The following ATF7IP variants were observed in gnomAD, a reference collection of about 807,000 sequenced individuals.
ATF7IP encodes activating transcription factor 7-interacting protein 1.
In ATF7IP, 23 loss-of-function variants were observed where a neutral mutation model predicts 106.4. The observed-to-expected ratio is 0.22, with a 90% CI of 0.16 to 0.31. The LOEUF is 0.31. ATF7IP is among the 10% of genes least tolerant of loss of function. The pLI is 1.00. For missense variants in ATF7IP, 1,334 were observed against 1,524.3 expected, an observed-to-expected ratio of 0.88 and a Z score of 2.08; for synonymous variants, 542 against 539.0, an observed-to-expected ratio of 1.01 and a Z score of -0.08.
At chr12:14,383,050 C>T (rs900525221) in intron 1 of ATF7IP, among the ~76,000 whole-genome samples, 1 of 152,198 alleles carries the variant, frequency 6.6e-6, no homozygotes, top group Non-Finnish European at 1.5e-5. Flanking sequence ...CTTTTCTAAA[C>T]TGTTTCATCA....
chr12:14,455,091 T>C (rs1943372796), intron 6 of ATF7IP, among the ~76,000 whole-genome samples: 1 of 151,218 alleles, frequency 6.6e-6, no homozygotes, highest in African/African-American at 2.4e-5. Flanking sequence ...GGCAGGAGAA[T>C]CGCTTGAGCC....
intron 12 of ATF7IP, 33 bp from the exon 13 acceptor site, chr12:14,480,969 TG>T: frequency 6.3e-7 from 1 of 1,595,426 alleles, no homozygotes; most frequent in East Asian, 2.2e-5. Flanking sequence ...TAGAATTTAC[TG>T]TATTCTTAAT....
rs1027833932 is a variant in ATF7IP, at chr12:14,501,490, T to TACGAAG, written c.*3421_*3426dup. ...CTTGCCAAGAAATTTATAAATCACA[T>TACGAAG]ACGAAGACGTCTGTTGCTAACAGTT... On this transcript the variant is annotated 3_prime_UTR_variant, in exon 15 of 15. Transcript: ENST00000261168. The TACGAAG allele has an allele frequency of 5.3e-4, 80 of 152,330 alleles. No individual in the cohort carries two copies. Among genetic ancestry groups the TACGAAG allele is most frequent in the African/African-American group, 1.7e-3 (71 of 41,590 alleles). 9.4% of individuals were successfully genotyped at this position (152,330 alleles called of 1,614,324 possible).
intron 2 of ATF7IP, among the ~76,000 whole-genome samples, chr12:14,427,755 T>C (rs4307768): frequency 0.1 from 15,895 of 152,092 alleles, 1,039 homozygotes; most frequent in African/African-American, 0.19. Context: ...ACCCCATAAT[T>C]AGTCCATCAG....
intron 10 of ATF7IP, among the ~76,000 whole-genome samples, chr12:14,473,278 C>G (rs1308885873): frequency 2.2e-4 from 3 of 13,534 alleles, no homozygotes; most frequent in South Asian, 1.9e-3. Flanking sequence ...TTAGCGCGCT[C>G]TCTCTCTCTC....
rs368133970 is a variant in ATF7IP, at chr12:14,459,521, A to G, written c.2159-974A>G. The stretch of plus-strand genomic sequence containing the variant: ...CCCATTATACTACCTTGATTTTTGT[A>G]CTAAAGCATCAGAAGTTTTACTTAG... On this transcript the variant is annotated intron_variant, in intron 8 of 14. Transcript: ENST00000261168. 5.3e-5 allele frequency among the ~76,000 whole-genome samples: 8 copies of G among 152,298 alleles called. No homozygotes were observed. The East Asian group carries it at 9.6e-4, about 18-fold the overall frequency.
intron 4 of ATF7IP, among the ~76,000 whole-genome samples, 185 bp from the exon 5 acceptor site, chr12:14,437,945 T>C (rs922483404): frequency 2.2e-4 from 33 of 151,616 alleles, no homozygotes; most frequent in Non-Finnish European, 4.3e-4. Context: ...CCCAGCTACT[T>C]GGGAGGCTGA....
chr12:14,387,359 A>T (rs1939295967), intron 1 of ATF7IP, among the ~76,000 whole-genome samples: 1 of 151,292 alleles, frequency 6.6e-6, no homozygotes, highest in African/African-American at 2.4e-5. Flanking sequence ...TAGTAATAAC[A>T]GCTCATTTTC....
chr12:14,484,626 A>C lies in ATF7IP; in HGVS notation c.3280+3441A>C, dbSNP rs115460673. 6.9e-3 allele frequency among the ~76,000 whole-genome samples: 1,054 copies of C among 152,288 alleles called. 13 individuals carry two copies. The highest frequency in any genetic ancestry group is 0.024 in the African/African-American group (994 of 41,558). ...TGGTGCCTGCATATGGTGCAGAACC[A>C]TCTGTGAACCAGGCCCTAGTCATCT... On this transcript the variant is annotated intron_variant, in intron 13 of 14. Transcript: ENST00000261168.
chr12:14,434,359 G>T lies in ATF7IP; in HGVS notation c.1581G>T (p.Lys527Asn). 1 of 1,581,792 alleles carries T rather than the reference G, an allele frequency of 6.3e-7. No homozygotes were observed. The highest frequency in any genetic ancestry group is 8.7e-7 in the Non-Finnish European group (1 of 1,155,052). ...CAGCAGAAGTAGAAAGTAATGAAAA[G>T]GACAACAAACCTGAGGAAGAAGAGC... ...CSPAEVESNEKDNKPEEEEQV... is the reference protein window; with the variant it reads ...CSPAEVESNENDNKPEEEEQV... Residue 527 changes from lysine to asparagine, a missense_variant, in exon 3 of 15, where the codon AAG (lysine) becomes AAT (asparagine). Physicochemically the swap from Lys to Asn is moderately conservative, Grantham distance 94. Coordinates refer to ENST00000261168, the MANE Select transcript of ATF7IP (RefSeq NM_018179.5).
chr12:14,497,567 C>T (rs571328939), intron 14 of ATF7IP, 87 bp from the exon 15 acceptor site: 19 of 1,286,748 alleles, frequency 1.5e-5, no homozygotes, highest in East Asian at 1.2e-4. Context: ...GATACTTCTA[C>T]GTATGTTCTC....
Position 14,478,350 on chromosome 12 carries a change from C to G in ATF7IP, c.2975C>G (p.Thr992Ser), listed in dbSNP as rs1484343413. The G allele has an allele frequency of 6.2e-7, 1 of 1,614,008 alleles. No homozygotes were observed. Among genetic ancestry groups the G allele is most frequent in the Non-Finnish European group, 8.5e-7 (1 of 1,179,904 alleles). Reference sequence around the variant, plus strand: ...AAACTAAATCACACTCCTGTATCAACCATGAGTTCTTCTCAGCCTGTGTCA... The same window carrying G: ...AAACTAAATCACACTCCTGTATCAAGCATGAGTTCTTCTCAGCCTGTGTCA... ...PKKLNHTPVS[T>S]MSSSQPVSRP... The change falls in exon 12 of 15, where the codon ACC becomes AGC. Residue 992 changes from threonine to serine, a missense_variant. This residue lies in a region of ATF7IP where 370 missense variants were observed against 401.2 expected (regional missense o/e 0.92). Coordinates refer to ENST00000261168, the MANE Select transcript of ATF7IP (RefSeq NM_018179.5).
At position 14,425,142 on chromosome 12, in the gene ATF7IP, G is replaced by T; in HGVS notation, c.1227G>T (p.Thr409=). The change falls in exon 2 of 15, where the codon ACG becomes ACT. Residue 409 remains threonine (T), a synonymous_variant. Coordinates refer to ENST00000261168, the MANE Select transcript of ATF7IP (RefSeq NM_018179.5). ...EDETSADLVE[T]INENVIEDNK... ...AAACTTCTGCAGATCTTGTAGAAAC[G>T]ATTAATGAAAATGTTATTGAAGATA... 1 of 1,593,114 alleles carries T rather than the reference G, an allele frequency of 6.3e-7. No homozygotes were observed. Among genetic ancestry groups the T allele is most frequent in the South Asian group, 1.2e-5 (1 of 86,374 alleles).
At chr12:14,478,714 AGTG>A (rs1944339263) in intron 12 of ATF7IP, among the ~76,000 whole-genome samples, 1 of 152,216 alleles carries the variant, frequency 6.6e-6, no homozygotes, top group East Asian at 1.9e-4. Flanking sequence ...TATAAATAAA[AGTG>A]GAGGTAATTT....
intron 5 of ATF7IP, among the ~76,000 whole-genome samples, chr12:14,440,752 C>T (rs1353471671): frequency 6.6e-6 from 1 of 152,186 alleles, no homozygotes; most frequent in African/African-American, 2.4e-5. Flanking sequence ...AAACGTTTTG[C>T]CCATTAAGCA....
chr12:14,476,412 A>G (rs1944264045), intron 11 of ATF7IP: 1 of 4,336 alleles, frequency 2.3e-4, no homozygotes, highest in Non-Finnish European at 6.5e-4. Flanking sequence ...GCCCTGTCTC[A>G]AAAAAAAAAA....
chr12:14,460,680 C>T lies in ATF7IP; in HGVS notation c.2344C>T (p.Pro782Ser), dbSNP rs1194368423. ...GCCTACAATCTCTTTACAGCCTTTG[C>T]CAGTGATTTTGCATGTACCTGTTGC... ...PQPTISLQPLPVILHVPVAVS... is the reference protein window; with the variant it reads ...PQPTISLQPLSVILHVPVAVS... The change falls in exon 9 of 15, where the codon CCA becomes TCA. Residue 782 changes from proline to serine, a missense_variant. Physicochemically the swap from Pro to Ser is moderately conservative, Grantham distance 74. This residue lies in a region of ATF7IP where 16 missense variants were observed against 43.5 expected (regional missense o/e 0.37). Transcript: ENST00000261168. 6.2e-7 allele frequency: 1 copy of T among 1,614,064 alleles called. No individual in the cohort carries two copies. The highest frequency in any genetic ancestry group is 8.5e-7 in the Non-Finnish European group (1 of 1,180,042).
At chr12:14,404,275 C>T (rs1036261053) in intron 1 of ATF7IP, among the ~76,000 whole-genome samples, 1 of 152,010 alleles carries the variant, frequency 6.6e-6, no homozygotes, top group African/African-American at 2.4e-5. Context: ...TTATCTTCCA[C>T]ATTTACATTA....
At chr12:14,419,908 G>A (rs1941403323) in intron 1 of ATF7IP, 1 of 152,050 alleles carries the variant, frequency 6.6e-6, no homozygotes, top group Non-Finnish European at 1.5e-5. Context: ...CTAAGTAATT[G>A]GCTTAAAGTG....
Sources: allele counts gnomAD v4.1 joint callset (sites outside exome capture counted in the v4.1 genomes callset), GRCh38; gene constraint gnomAD v4.1.1; regional missense constraint gnomAD v4.1.1; transcripts MANE v1.5; gene names NCBI Gene and HGNC (gene_info 2026-07-23, HGNC 2026-07-21).